The following NUTF2 variants were observed in gnomAD, a reference collection of about 807,000 sequenced individuals.
NUTF2 encodes placental protein 15.
Under a neutral mutation model 18.5 loss-of-function variants are expected in NUTF2, and 3 were observed. That is an observed-to-expected ratio of 0.16 (90% CI 0.07 to 0.42). NUTF2 has a LOEUF of 0.42. NUTF2 is among the 10% of genes least tolerant of loss of function. The pLI is 0.99. For synonymous variants in NUTF2, 51 were observed against 57.9 expected, an observed-to-expected ratio of 0.88 and a Z score of 0.54; for missense variants, 44 against 160.7, an observed-to-expected ratio of 0.27 and a Z score of 3.93.
intron 4 of NUTF2, among the ~76,000 whole-genome samples, chr16:67,869,584 G>C (rs1436331941): frequency 6.7e-6 from 1 of 148,404 alleles, no homozygotes; most frequent in Non-Finnish European, 1.5e-5. Context: ...TCAGGAGTTT[G>C]AGACCAGCCT....
In NUTF2 at chr16:67,871,084, C is replaced by T. The variant is rs1335882569; in HGVS notation, c.*171C>T. 3 of 542,732 alleles carry T rather than the reference C, an allele frequency of 5.5e-6. No homozygotes were observed. In the Admixed American group the frequency reaches 1.1e-4, roughly 20 times the overall value. 33.6% of individuals were successfully genotyped at this position (542,732 alleles called of 1,614,324 possible). A position where few individuals can be genotyped will look rare whatever the true frequency, so the allele number is the denominator to read the frequency against. On this transcript the variant is annotated 3_prime_UTR_variant, in exon 5 of 5. Transcript: ENST00000219169. Reference sequence around the variant, plus strand: ...TTGTGCATGATGTTTGGATGCTAGACTAGTTGCATCTGACGGGAGAAGTTT... The same window carrying T: ...TTGTGCATGATGTTTGGATGCTAGATTAGTTGCATCTGACGGGAGAAGTTT...
chr16:67,868,756 G>A lies in NUTF2; in HGVS notation c.270+157G>A, dbSNP rs183206341. ...TCAGTATGCTAGCCATTAGCCACAT[G>A]TAGGTGGCAATTTTTAAGTTATATT... is the stretch of plus-strand genomic sequence containing the variant. On this transcript the variant is annotated intron_variant, in intron 4 of 4. Transcript: ENST00000219169. 710 of 615,630 alleles carry A rather than the reference G, an allele frequency of 1.2e-3. 7 individuals carry two copies. The African/African-American group carries it at 0.013, about 11-fold the overall frequency. 38.1% of individuals were successfully genotyped at this position (615,630 alleles called of 1,614,324 possible).
intron 1 of NUTF2, among the ~76,000 whole-genome samples, chr16:67,858,874 CTTTTT>C (rs1207363589): frequency 7.1e-6 from 1 of 140,284 alleles, no homozygotes; most frequent in Non-Finnish European, 1.6e-5. Context: ...CTTCAGGACA[CTTTTT>C]TTTTTTTTTT....
chr16:67,855,613 G>C (rs1424974711), intron 1 of NUTF2, among the ~76,000 whole-genome samples: 1 of 152,110 alleles, frequency 6.6e-6, no homozygotes, highest in Non-Finnish European at 1.5e-5. Flanking sequence ...TTAAAGTCTC[G>C]AATGATTCCA....
chr16:67,872,091 G>C lies in NUTF2; in HGVS notation c.*1178G>C, dbSNP rs76649027. ...AGTCTTAGCTATTAGGGCAGTTTCT[G>C]CTTCTCCATTTTGGGGACAAAGGCC... On this transcript the variant is annotated 3_prime_UTR_variant, in exon 5 of 5. Coordinates refer to ENST00000219169, the MANE Select transcript of NUTF2 (RefSeq NM_005796.3). 1.3e-4 allele frequency: 20 copies of C among 152,266 alleles called. No individual in the cohort carries two copies. Among genetic ancestry groups the C allele is most frequent in the Admixed American group, 9.8e-4 (15 of 15,270 alleles). 9.4% of individuals were successfully genotyped at this position (152,266 alleles called of 1,614,324 possible). A position where few individuals can be genotyped will look rare whatever the true frequency, so the allele number is the denominator to read the frequency against.
Position 67,870,829 on chromosome 16 carries a change from C to T in NUTF2, c.300C>T (p.His100=). Residue 100 remains histidine, a synonymous_variant, in exon 5 of 5, where the codon CAC becomes CAT. Transcript: ENST00000219169. ...ATGAAGACCCCATCATGGGGTTCCA[C>T]CAGATGTTCCTATTAAAGAACATCA... ...KADEDPIMGF[H]QMFLLKNIND... is the part of the protein sequence containing the mutation. 1 of 1,613,726 alleles carries T rather than the reference C, an allele frequency of 6.2e-7. No homozygotes were observed. The highest frequency in any genetic ancestry group is 8.5e-7 in the Non-Finnish European group (1 of 1,179,622).
At position 67,868,307 on chromosome 16, in the gene NUTF2, C is replaced by T. The variant is rs759191917; in HGVS notation, c.100-33C>T. On this transcript the variant is annotated intron_variant, in intron 2 of 4. Transcript: ENST00000219169. ...CCTTAGAGATACTTGTACTCTGAGG[C>T]CCCAACCCTGGGGTTTCCTGTGCCT... The T allele has an allele frequency of 6.2e-6, 10 of 1,605,740 alleles. No individual in the cohort carries two copies. The South Asian group carries it at 7.7e-5, about 12-fold the overall frequency.
intron 2 of NUTF2, among the ~76,000 whole-genome samples, chr16:67,866,785 T>G (rs2057975425): frequency 6.6e-6 from 1 of 151,756 alleles, no homozygotes; most frequent in African/African-American, 2.4e-5. Flanking sequence ...TTTTTGTATT[T>G]TTAGTGGAGG....
Position 67,847,519 on chromosome 16 carries a change from C to T in NUTF2, c.-30+534C>T, listed in dbSNP as rs1012048148. On this transcript the variant is annotated intron_variant, in intron 1 of 4. Coordinates refer to ENST00000219169, the MANE Select transcript of NUTF2 (RefSeq NM_005796.3). ...CCTCACCCTGTTCCCGACCATAGCC[C>T]GGCCGGGGTGTAGGTGAACGCCCCC... 2.6e-5 allele frequency: 4 copies of T among 152,362 alleles called. No homozygotes were observed. The South Asian group carries it at 6.2e-4, about 24-fold the overall frequency. 9.4% of individuals were successfully genotyped at this position (152,362 alleles called of 1,614,324 possible).
At chr16:67,866,329 CAG>C (rs1402823478) in intron 2 of NUTF2, among the ~76,000 whole-genome samples, 2 of 136,248 alleles carry the variant, frequency 1.5e-5, no homozygotes, top group African/African-American at 2.8e-5. Context: ...TTTTTTGAGA[CAG>C]AGTCTCACTC....
intron 1 of NUTF2, among the ~76,000 whole-genome samples, chr16:67,857,755 C>G (rs72790367): frequency 0.093 from 14,125 of 152,318 alleles, 882 homozygotes; most frequent in East Asian, 0.21. Flanking sequence ...ACAGCTGTCT[C>G]TCACTAGGAC....
intron 1 of NUTF2, chr16:67,847,443 C>T (rs1345763065): frequency 6.6e-6 from 1 of 152,340 alleles, no homozygotes; most frequent in African/African-American, 2.4e-5. Context: ...CGGCCCGCTC[C>T]AGAGTCAGCA....
At chr16:67,862,990 G>GCATA (rs2057944622) in intron 1 of NUTF2, among the ~76,000 whole-genome samples, 1 of 152,148 alleles carries the variant, frequency 6.6e-6, no homozygotes, top group Non-Finnish European at 1.5e-5. Flanking sequence ...CAGTGGGTAT[G>GCATA]GCACCTTGGA....
At chr16:67,855,890 G>GT (rs2057892604) in intron 1 of NUTF2, 2 of 396,928 alleles carry the variant, frequency 5.0e-6, no homozygotes, top group Admixed American at 4.0e-5. Flanking sequence ...TTTTTGGCGG[G>GT]GGGGGGGGAT....
At chr16:67,864,999 T>C in intron 1 of NUTF2, 103 bp from the exon 2 acceptor site, 2 of 625,018 alleles carry the variant, frequency 3.2e-6, no homozygotes, top group Non-Finnish European at 5.8e-6. Context: ...AGAACAGATC[T>C]CAGCAAAGGA....
chr16:67,863,760 C>T (rs1451923391), intron 1 of NUTF2, among the ~76,000 whole-genome samples: 2 of 152,220 alleles, frequency 1.3e-5, no homozygotes, highest in Non-Finnish European at 1.5e-5. Flanking sequence ...GGCTCCTCTA[C>T]AGTTGGGGCC....
At chr16:67,860,042 C>A (rs892640615) in intron 1 of NUTF2, among the ~76,000 whole-genome samples, 2 of 150,794 alleles carry the variant, frequency 1.3e-5, no homozygotes, top group African/African-American at 4.9e-5. Flanking sequence ...TGCAGTGGTG[C>A]AATCTCCACT....
At chr16:67,860,348 C>T (rs946867366) in intron 1 of NUTF2, among the ~76,000 whole-genome samples, 3 of 152,150 alleles carry the variant, frequency 2.0e-5, no homozygotes, top group African/African-American at 7.2e-5. Context: ...GTTCACAGCT[C>T]ACTGTAGCCT....
At position 67,865,146 on chromosome 16, in the gene NUTF2, A is replaced by G. The variant is rs1454818577; in HGVS notation, c.16A>G (p.Ile6Val). The change falls in exon 2 of 5, where the codon ATT becomes GTT. Residue 6 changes from isoleucine to valine, a missense_variant. Physicochemically the swap from Ile to Val is conservative, Grantham distance 29. Transcript: ENST00000219169. ...ACGCTCCAGAATGGGAGACAAGCCA[A>G]TTTGGGAGCAGATTGGATCCAGCTT... is the stretch of plus-strand genomic sequence containing the variant. MGDKP[I>V]WEQIGSSFIQ... is the part of the protein sequence containing the mutation. The G allele has an allele frequency of 5.6e-6, 9 of 1,612,198 alleles. No individual in the cohort carries two copies. The highest frequency in any genetic ancestry group is 7.6e-6 in the Non-Finnish European group (9 of 1,179,618).
Sources: gnomAD v4.1 joint callset for allele counts (sites outside exome capture counted in the v4.1 genomes callset) on GRCh38, gnomAD v4.1.1 for gene constraint, MANE v1.5 for transcripts, NCBI Gene and HGNC (gene_info 2026-07-23, HGNC 2026-07-21) for gene names.